Variants in LGI2 observed in about 807,000 individuals in gnomAD.
LGI2 encodes leucine rich repeat LGI family member 2.
Under a neutral mutation model 52.0 loss-of-function variants are expected in LGI2, and 30 were observed. The ratio of observed to expected loss-of-function variants is 0.58; its 90% CI spans 0.43 to 0.78. LGI2 has a LOEUF of 0.78. Among genes scored for constraint, LGI2 ranks in the 30% least tolerant of loss-of-function variants. LGI2 has a pLI of 0.00. For missense variants in LGI2, 573 were observed against 692.5 expected (o/e 0.83, Z 1.94); for synonymous variants, 270 against 271.8 (o/e 0.99, Z 0.06).
At chr4:25,018,927 C>G (rs556189662) in intron 5 of LGI2, among the ~76,000 whole-genome samples, 1 of 152,054 alleles carries the variant, frequency 6.6e-6, no homozygotes, top group Admixed American at 6.6e-5. Flanking sequence ...CGTGCCATCT[C>G]AGGGAGGTGA....
chr4:25,018,593 G>A (rs1321880858), intron 5 of LGI2, among the ~76,000 whole-genome samples: 1 of 152,176 alleles, frequency 6.6e-6, no homozygotes, highest in Non-Finnish European at 1.5e-5. Context: ...CAGGCACGGT[G>A]GCTCATGCCT....
intron 3 of LGI2, 44 bp downstream of exon 3, chr4:25,026,824 C>A (rs777713682): frequency 6.9e-7 from 1 of 1,458,386 alleles, no homozygotes; most frequent in Non-Finnish European, 9.6e-7. Context: ...GAAATTCTAC[C>A]AAGATACCGA....
At chr4:25,029,808 G>C (rs1726264657) in intron 1 of LGI2, among the ~76,000 whole-genome samples, 1 of 152,248 alleles carries the variant, frequency 6.6e-6, no homozygotes, top group South Asian at 2.1e-4. Context: ...CAAAGCACTT[G>C]GCCACTGGGC....
At position 25,004,847 on chromosome 4, in the gene LGI2, T is replaced by C. The variant is rs1312371365; in HGVS notation, c.821-579A>G. 2.6e-5 allele frequency among the ~76,000 whole-genome samples: 4 copies of C among 152,196 alleles called. No individual in the cohort carries two copies. Reference sequence around the variant, plus strand: ...AGCAGCCCAAACAGACTAAGACACCTATAACATCATCCTTCACAATAGCCG... The same window carrying C: ...AGCAGCCCAAACAGACTAAGACACCCATAACATCATCCTTCACAATAGCCG... On this transcript the variant is annotated intron_variant, in intron 7 of 7. Transcript: ENST00000382114. The surrounding 1 kb of genome is among the most constrained non-coding windows in gnomAD (Gnocchi z 4.6).
chr4:25,003,411 A>C lies in LGI2; in HGVS notation c.*40T>G. On this transcript the variant is annotated 3_prime_UTR_variant, in exon 8 of 8. Transcript: ENST00000382114. ...ATTTTTCTTGGTCCTCTTTTGTGAGAGCTAATGCTACATTTCTCTTAGTTT... is the reference window on the plus strand; with the variant it reads ...ATTTTTCTTGGTCCTCTTTTGTGAGCGCTAATGCTACATTTCTCTTAGTTT... 1.5e-6 allele frequency: 2 copies of C among 1,378,962 alleles called. No individual in the cohort carries two copies. The highest frequency in any genetic ancestry group is 2.0e-6 in the Non-Finnish European group (2 of 1,009,576). The allele number at this position is 1,378,962 out of a possible 1,614,324, so 85.4% of individuals were successfully genotyped here.
At chr4:25,012,521 GA>G in intron 6 of LGI2, 22 bp from the exon 7 acceptor site, 1 of 1,610,554 alleles carries the variant, frequency 6.2e-7, no homozygotes, top group Non-Finnish European at 8.5e-7. Context: ...TGTTTAAAAA[GA>G]AAAGCGTTCA....
chr4:25,009,828 G>A (rs1725519013), intron 7 of LGI2, among the ~76,000 whole-genome samples: 1 of 151,934 alleles, frequency 6.6e-6, no homozygotes, highest in Non-Finnish European at 1.5e-5. Flanking sequence ...TAGAGACGGG[G>A]TTTCATCATA....
Position 25,030,676 on chromosome 4 carries a change from G to T in LGI2, c.18C>A (p.Gly6=), listed in dbSNP as rs1726314132. 4.0e-6 allele frequency: 6 copies of T among 1,502,832 alleles called. No homozygotes were observed. Among genetic ancestry groups the T allele is most frequent in the Non-Finnish European group, 5.3e-6 (6 of 1,130,550 alleles). The allele number at this position is 1,502,832 out of a possible 1,614,324, so 93.1% of individuals were successfully genotyped here. ...GCAGCAGCCCGAGCGCTCCGCAGCC[G>T]CCTCTCCGCAGCGCCATGCCCGGTC... MALRR[G]GCGALGLLLL... The change falls in exon 1 of 8, where the codon GGC becomes GGA. Residue 6 remains glycine (G), a synonymous_variant. Transcript: ENST00000382114.
downstream of LGI2, among the ~76,000 whole-genome samples, chr4:24,996,905 T>C (rs192957956): frequency 1.3e-3 from 195 of 152,318 alleles, no homozygotes; most frequent in Non-Finnish European, 5.4e-4. Context: ...AGCATGCTCT[T>C]TGGGGCCCAC....
intron 4 of LGI2, among the ~76,000 whole-genome samples, chr4:25,020,223 T>A (rs919488425): frequency 2.6e-5 from 4 of 152,192 alleles, no homozygotes; most frequent in Non-Finnish European, 4.4e-5. Flanking sequence ...TTCACATTAA[T>A]AAAGGTTGAC....
intron 6 of LGI2, among the ~76,000 whole-genome samples, chr4:25,015,561 T>C (rs1187357065): frequency 6.6e-6 from 1 of 152,200 alleles, no homozygotes; most frequent in Non-Finnish European, 1.5e-5. Flanking sequence ...AACTCACCCC[T>C]TTTCCGATAA....
chr4:25,004,257 C>A lies in LGI2; in HGVS notation c.832G>T (p.Val278Leu), dbSNP rs767382221. 6.2e-7 allele frequency: 1 copy of A among 1,612,520 alleles called. No homozygotes were observed. The highest frequency in any genetic ancestry group is 1.7e-5 in the Admixed American group (1 of 59,898). Residue 278 changes from valine to leucine, a missense_variant, in exon 8 of 8, where the codon GTG (valine) becomes TTG (leucine). Transcript: ENST00000382114. The surrounding 1 kb of genome is among the most constrained non-coding windows in gnomAD (Gnocchi z 4.6). ...SYDNITGQSI[V>L]GCKAILIDDQ... The stretch of plus-strand genomic sequence containing the variant: ...TCGATGAGAATGGCCTTACAGCCCA[C>A]GATGGACTGACCTGTGCTCCAAAAT...
chr4:25,024,859 G>A lies in LGI2; in HGVS notation c.374C>T (p.Ser125Leu). Residue 125 changes from serine to leucine, a missense_variant, in exon 4 of 8, where the codon TCA becomes TTA. By Grantham distance (145) the Ser-to-Leu change is moderately radical (BLOSUM62 -2). Coordinates refer to ENST00000382114, the MANE Select transcript of LGI2 (RefSeq NM_018176.4). ...ACGGAGGCCACGAAAGGCATTTCTTGAAATGGTTTCTATTTTGTTCCCTTC... is the reference window on the plus strand; with the variant it reads ...ACGGAGGCCACGAAAGGCATTTCTTAAAATGGTTTCTATTTTGTTCCCTTC... ...FIEGNKIETI[S>L]RNAFRGLRDL... 1 of 1,608,480 alleles carries A rather than the reference G, an allele frequency of 6.2e-7. No homozygotes were observed. The highest frequency in any genetic ancestry group is 8.5e-7 in the Non-Finnish European group (1 of 1,178,034).
intron 4 of LGI2, among the ~76,000 whole-genome samples, chr4:25,022,778 T>C (rs1167896894): frequency 1.3e-5 from 2 of 152,210 alleles, no homozygotes; most frequent in Admixed American, 6.5e-5. Context: ...CTCCTGCTGA[T>C]GGAAGAACCA....
At position 25,028,495 on chromosome 4, in the gene LGI2, T is replaced by A; in HGVS notation, c.269+12A>T. On this transcript the variant is annotated intron_variant, in intron 2 of 7. Coordinates refer to ENST00000382114, the MANE Select transcript of LGI2 (RefSeq NM_018176.4). ...GGCCCCCCATTGTGCAGAGGGAACT[T>A]CCCATACTCACAGCAGCTGCAGAGA... 7 of 1,612,044 alleles carry A rather than the reference T, an allele frequency of 4.3e-6. No homozygotes were observed. Among genetic ancestry groups the A allele is most frequent in the Non-Finnish European group, 5.9e-6 (7 of 1,179,356 alleles).
rs567812696 is a variant in LGI2 at position 25,020,400 on chromosome 4, C to T, written c.414-1162G>A. Among the ~76,000 whole-genome samples, 7 of 152,260 alleles carry T rather than the reference C, an allele frequency of 4.6e-5. No individual in the cohort carries two copies. In the South Asian group the frequency reaches 6.2e-4, roughly 14 times the overall value. ...ATCATCCTGTGAAGATGAATGTCCA[C>T]GGTGCAGGGCTGTTGATGTAGAAAG... On this transcript the variant is annotated intron_variant, in intron 4 of 7. Transcript: ENST00000382114.
intron 4 of LGI2, among the ~76,000 whole-genome samples, chr4:25,023,553 C>T (rs1026114088): frequency 4.6e-5 from 7 of 152,206 alleles, no homozygotes; most frequent in African/African-American, 1.7e-4. Flanking sequence ...TGACAACCCC[C>T]TTTGCCAATA....
At chr4:24,993,502 T>G in the LGI2 span, among the ~76,000 whole-genome samples, 1 of 152,186 alleles carries the variant, frequency 6.6e-6, no homozygotes, top group Non-Finnish European at 1.5e-5. Context: ...GAGGTACACT[T>G]TGGGACTAGG....
At position 25,018,916 on chromosome 4, in the gene LGI2, A is replaced by C. The variant is rs138793480; in HGVS notation, c.485+251T>G. Among the ~76,000 whole-genome samples the C allele has an allele frequency of 2.8e-3, 430 of 152,242 alleles. 3 individuals carry two copies. The highest frequency in any genetic ancestry group is 6.4e-3 in the South Asian group (31 of 4,816). ...CAATGATAGAAGATAAAGCAGGTGA[A>C]CGTGCCATCTCAGGGAGGTGATCTC... On this transcript the variant is annotated intron_variant, in intron 5 of 7. Coordinates refer to ENST00000382114, the MANE Select transcript of LGI2 (RefSeq NM_018176.4).
Sources: gnomAD v4.1 joint callset for allele counts (sites outside exome capture counted in the v4.1 genomes callset) on GRCh38, gnomAD v4.1.1 for gene constraint, Gnocchi (gnomAD v3.1) non-coding constraint, MANE v1.5 for transcripts, NCBI Gene and HGNC (gene_info 2026-07-23, HGNC 2026-07-21) for gene names.